LMX1B: variants seen among roughly 807,000 people sequenced by gnomAD.
The protein encoded by LMX1B is LIM homeobox transcription factor 1 beta, also known as LIM homeobox transcription factor 1-beta.
LMX1B carries 12 observed loss-of-function variants against 51.4 expected under a neutral mutation model. That is an observed-to-expected ratio of 0.23 (90% CI 0.15 to 0.38). The LOEUF is 0.38. Ranked by LOEUF, LMX1B falls within the 10% of genes least tolerant of loss-of-function variation. The pLI is 1.00. For synonymous variants in LMX1B, 237 were observed against 235.4 expected, an observed-to-expected ratio of 1.01 and a Z score of -0.06; for missense variants, 445 against 571.1, an observed-to-expected ratio of 0.78 and a Z score of 2.25.
Position 126,696,769 on chromosome 9 carries a change from C to G in LMX1B, c.*318C>G. 2.2e-6 allele frequency: 1 copy of G among 460,426 alleles called. No homozygotes were observed. The highest frequency in any genetic ancestry group is 4.0e-6 in the Non-Finnish European group (1 of 251,762). The allele number at this position is 460,426 out of a possible 1,614,324, so 28.5% of individuals were successfully genotyped here. ...TCCTCCCCATCTCTTTTTTGGGAAG[C>G]TTAAATTCTCTCTATTTTTTTAAAT... is the stretch of plus-strand genomic sequence containing the variant. On this transcript the variant is annotated 3_prime_UTR_variant, in exon 8 of 8. Coordinates refer to ENST00000373474, the MANE Select transcript of LMX1B (RefSeq NM_001174147.2).
In LMX1B at chr9:126,697,035, C is replaced by T. The variant is rs34200683; in HGVS notation, c.*584C>T. On this transcript the variant is annotated 3_prime_UTR_variant, in exon 8 of 8. Coordinates refer to ENST00000373474, the MANE Select transcript of LMX1B (RefSeq NM_001174147.2). ...CTGAGCCTGGGCAGGCGCAAAGGGA[C>T]AGAGAGGCACGTGCAGACACATGCA... The T allele has an allele frequency of 0.25, 42,621 of 169,664 alleles. 6,232 individuals are homozygous for T. Among genetic ancestry groups the T allele is most frequent in the Middle Eastern group, 0.39 (134 of 344 alleles). The allele number at this position is 169,664 out of a possible 1,614,324, so 10.5% of individuals were successfully genotyped here.
At chr9:126,669,807 A>G (rs1836416839) in intron 2 of LMX1B, among the ~76,000 whole-genome samples, 1 of 152,178 alleles carries the variant, frequency 6.6e-6, no homozygotes, top group Admixed American at 6.5e-5. Context: ...GGAGGTCATC[A>G]GAGCCCAAAG....
At chr9:126,636,792 C>T (rs1835720145) in intron 2 of LMX1B, among the ~76,000 whole-genome samples, 1 of 152,146 alleles carries the variant, frequency 6.6e-6, no homozygotes, top group Non-Finnish European at 1.5e-5. Context: ...GGGAATGGCC[C>T]ATGGTAGAGA....
intron 2 of LMX1B, among the ~76,000 whole-genome samples, chr9:126,689,756 T>C (rs1003080767): frequency 3.9e-5 from 6 of 152,168 alleles, no homozygotes; most frequent in Admixed American, 3.9e-4. Flanking sequence ...CGTTGTCATG[T>C]GGAAGCTGGA....
intron 2 of LMX1B, among the ~76,000 whole-genome samples, chr9:126,688,054 C>T (rs2029974884): frequency 6.6e-6 from 1 of 152,198 alleles, no homozygotes; most frequent in Non-Finnish European, 1.5e-5. Context: ...GCTTGGAGAC[C>T]AAACGGATGG....
At chr9:126,666,798 T>C (rs549179529) in intron 2 of LMX1B, among the ~76,000 whole-genome samples, 1 of 152,014 alleles carries the variant, frequency 6.6e-6, no homozygotes, top group African/African-American at 2.4e-5. Flanking sequence ...CAAGGAGGCC[T>C]GGGCAGGGCA....
At chr9:126,669,765 T>A (rs3904170) in intron 2 of LMX1B, among the ~76,000 whole-genome samples, 1 of 152,230 alleles carries the variant, frequency 6.6e-6, no homozygotes, top group Non-Finnish European at 1.5e-5. Context: ...GATGAGGGCT[T>A]GGGTCAGTTG....
chr9:126,674,524 AT>A (rs1836519654), intron 2 of LMX1B, among the ~76,000 whole-genome samples: 1 of 152,094 alleles, frequency 6.6e-6, no homozygotes, highest in African/African-American at 2.4e-5. Flanking sequence ...GTGTGGGGAG[AT>A]CCCTGACCCA....
intron 2 of LMX1B, among the ~76,000 whole-genome samples, chr9:126,630,682 C>T (rs796672349): frequency 6.6e-6 from 1 of 152,206 alleles, no homozygotes; most frequent in South Asian, 2.1e-4. Context: ...TTATGCATGA[C>T]CACCCCTGAG....
intron 2 of LMX1B, among the ~76,000 whole-genome samples, chr9:126,622,414 G>C (rs981010990): frequency 1.3e-5 from 2 of 152,204 alleles, no homozygotes; most frequent in African/African-American, 4.8e-5. Context: ...ATGCCCACTG[G>C]GGCTGGCAGG....
At chr9:126,662,782 G>A (rs570358260) in intron 2 of LMX1B, among the ~76,000 whole-genome samples, 3 of 152,368 alleles carry the variant, frequency 2.0e-5, no homozygotes, top group Admixed American at 2.0e-4. Context: ...GATTCAAGAA[G>A]TGTCTAGACA....
intron 2 of LMX1B, among the ~76,000 whole-genome samples, chr9:126,621,360 C>T (rs1220396236): frequency 6.6e-6 from 1 of 152,222 alleles, no homozygotes. Flanking sequence ...CTCTGGCCCT[C>T]TCCAACCAGA....
intron 2 of LMX1B, among the ~76,000 whole-genome samples, chr9:126,619,114 C>G (rs577731877): frequency 6.6e-6 from 1 of 152,176 alleles, no homozygotes; most frequent in Non-Finnish European, 1.5e-5. Flanking sequence ...AGGGGAGCAT[C>G]GAGGCTTTGA....
chr9:126,628,702 A>G (rs900923338), intron 2 of LMX1B, among the ~76,000 whole-genome samples: 3 of 152,168 alleles, frequency 2.0e-5, no homozygotes, highest in Admixed American at 6.5e-5. Flanking sequence ...GGCATGAAAT[A>G]TGACTTTTAT....
At chr9:126,690,715 G>A in intron 2 of LMX1B, 121 bp from the exon 3 acceptor site, 2 of 801,960 alleles carry the variant, frequency 2.5e-6, no homozygotes, top group East Asian at 2.7e-5. Context: ...GCCCAAGGAG[G>A]GCCTCTCCCT....
chr9:126,682,005 C>T (rs1836683815), intron 2 of LMX1B, among the ~76,000 whole-genome samples: 1 of 150,302 alleles, frequency 6.7e-6, no homozygotes, highest in Non-Finnish European at 1.5e-5. Flanking sequence ...TGCCCCCCAG[C>T]TCTACCTGCA....
chr9:126,665,864 C>G (rs1239240740), intron 2 of LMX1B, among the ~76,000 whole-genome samples: 6 of 151,868 alleles, frequency 4.0e-5, no homozygotes, highest in Non-Finnish European at 8.8e-5. Context: ...ACAAGGCCAG[C>G]GTGGGCCCTC....
At chr9:126,664,390 AACAG>A (rs1167984794) in intron 2 of LMX1B, among the ~76,000 whole-genome samples, 12 of 151,856 alleles carry the variant, frequency 7.9e-5, no homozygotes, top group Non-Finnish European at 1.5e-4. Flanking sequence ...CCCCCACCCA[AACAG>A]ACAGCCCCAG....
chr9:126,626,860 G>C lies in LMX1B; in HGVS notation c.326+11291G>C, dbSNP rs1835543753. ...CAAACGGCCCGCGGGAACCGGCCGA[G>C]TTCAGAGGGACAGTGGGCCGAAGGG... is the stretch of plus-strand genomic sequence containing the variant. On this transcript the variant is annotated intron_variant, in intron 2 of 7. Coordinates refer to ENST00000373474, the MANE Select transcript of LMX1B (RefSeq NM_001174147.2). The surrounding 1 kb of genome is among the most constrained non-coding windows in gnomAD (Gnocchi z 4.3). 6.6e-6 allele frequency among the ~76,000 whole-genome samples: 1 copy of C among 152,174 alleles called. No individual in the cohort carries two copies. Among genetic ancestry groups the C allele is most frequent in the Non-Finnish European group, 1.5e-5 (1 of 68,032 alleles).
Sources: gnomAD v4.1 joint callset for allele counts (sites outside exome capture counted in the v4.1 genomes callset) on GRCh38, gnomAD v4.1.1 for gene constraint, Gnocchi (gnomAD v3.1) non-coding constraint, MANE v1.5 for transcripts, NCBI Gene and HGNC (gene_info 2026-07-23, HGNC 2026-07-21) for gene names.